Variants in PKD1 observed in about 807,000 individuals in gnomAD.
PKD1 encodes the protein polycystin-1.
PKD1 carries 81 observed loss-of-function variants against 361.7 expected under a neutral mutation model. That is an observed-to-expected ratio of 0.22 (90% CI 0.19 to 0.27). PKD1 has a LOEUF of 0.27. Among genes scored for constraint, PKD1 ranks in the 10% least tolerant of loss-of-function variants. The pLI is 1.00. For missense variants in PKD1, 6,399 were observed against 6,118.3 expected (o/e 1.05, Z -1.53); for synonymous variants, 3,615 against 2,818.3 (o/e 1.28, Z -8.95).
rs553144117 is a variant in PKD1, at chr16:2,116,381, T to G, written c.1722+148A>C. 13 of 632,874 alleles carry G rather than the reference T, an allele frequency of 2.1e-5. No individual in the cohort carries two copies. In the Admixed American group the frequency reaches 2.7e-4, roughly 13 times the overall value. The allele number at this position is 632,874 out of a possible 1,614,324, so 39.2% of individuals were successfully genotyped here. On this transcript the variant is annotated intron_variant, in intron 8 of 45. Coordinates refer to ENST00000262304, the MANE Select transcript of PKD1 (RefSeq NM_001009944.3). ...TAATGTGAGTAAACGCTTTCCTCTC[T>G]GCACTCTGGATTTTCCCAACCATCT...
intron 30 of PKD1, among the ~76,000 whole-genome samples, chr16:2,098,352 G>A (rs1567166742): frequency 6.6e-6 from 1 of 152,084 alleles, no homozygotes; most frequent in African/African-American, 2.4e-5. Context: ...GGGATTACAG[G>A]TGCCTGCCAC....
Position 2,117,960 on chromosome 16 carries a change from G to A in PKD1, c.1032C>T (p.Ala344=). ...TAVLALGAGS[A]LLGTDVQVEA... is the part of the protein sequence containing the mutation. ...CCACCTGCACGTCTGTCCCCAGCAG[G>A]GCTGAGCCGGCCCCCAGGGCCAGCA... The change falls in exon 5 of 46, where the codon GCC becomes GCT. Residue 344 remains alanine (A), a synonymous_variant. Transcript: ENST00000262304. 2 of 1,526,516 alleles carry A rather than the reference G, an allele frequency of 1.3e-6. No homozygotes were observed. Among genetic ancestry groups the A allele is most frequent in the Non-Finnish European group, 1.8e-6 (2 of 1,127,664 alleles). 94.6% of individuals were successfully genotyped at this position (1,526,516 alleles called of 1,614,324 possible). A position where few individuals can be genotyped will look rare whatever the true frequency, so the allele number is the denominator to read the frequency against.
In PKD1 at chr16:2,116,248, T is replaced by C; in HGVS notation, c.1723-130A>G. ...GCCATCAGACCCCCACAGGCCTGGC[T>C]CCTGTCGCTCGAGAGGAAGACTCCG... On this transcript the variant is annotated intron_variant, in intron 8 of 45. Transcript: ENST00000262304. 3.0e-6 allele frequency: 3 copies of C among 992,904 alleles called. No individual in the cohort carries two copies. The South Asian group carries it at 4.1e-5, about 14-fold the overall frequency. The allele number at this position is 992,904 out of a possible 1,614,324, so 61.5% of individuals were successfully genotyped here.
At chr16:2,097,274 C>T in intron 33 of PKD1, 33 bp from the exon 34 acceptor site, 1 of 1,606,832 alleles carries the variant, frequency 6.2e-7, no homozygotes, top group Non-Finnish European at 8.5e-7. Context: ...GTGGGCCCAG[C>T]TGCAAGGGTG....
rs1282914322 is a variant in PKD1 at position 2,115,528 on chromosome 16, T to C, written c.1947A>G (p.Gly649=). 2.5e-6 allele frequency: 4 copies of C among 1,595,198 alleles called. No individual in the cohort carries two copies. In the Admixed American group the frequency reaches 5.1e-5, roughly 20 times the overall value. ...ACMPGGRWCP[G]ANICLPLDAS... ...CGTCCAGCGGCAAGCAGATGTTGGC[T>C]CCAGGGCACCAGCGTCCCCCTGGCA... is the stretch of plus-strand genomic sequence containing the variant. Residue 649 remains glycine, a synonymous_variant, in exon 10 of 46, where the codon GGA becomes GGG. Transcript: ENST00000262304.
In PKD1 at chr16:2,108,945, G is replaced by A; in HGVS notation, c.6222C>T (p.Asn2074=). 2 of 1,606,516 alleles carry A rather than the reference G, an allele frequency of 1.2e-6. No individual in the cohort carries two copies. The highest frequency in any genetic ancestry group is 1.7e-6 in the Non-Finnish European group (2 of 1,177,942). The change falls in exon 15 of 46, where the codon AAC becomes AAT. Residue 2074 remains asparagine, a synonymous_variant. Transcript: ENST00000262304. ...TGGCGGCCTCAAACTGCGCCGAGCG[G>A]TTGGTGAAGCAGGGGCCGCTCTGCA... The part of the protein sequence containing the change: ...VALQSGPCFT[N]RSAQFEAATS...
chr16:2,117,381 C>T (rs11643588), intron 6 of PKD1, 108 bp downstream of exon 6: 45 of 820,808 alleles, frequency 5.5e-5, no homozygotes, highest in African/African-American at 4.3e-4. Flanking sequence ...TCACCAGGGC[C>T]GGCCCAGCTC....
In PKD1 at chr16:2,112,716, G is replaced by C. The variant is rs988857029; in HGVS notation, c.3161+72C>G. On this transcript the variant is annotated intron_variant, in intron 13 of 45. Transcript: ENST00000262304. ...CAGAAAAGCAACCCCGTGATGTGGG[G>C]GTCCCTCGGCTGAGGCTGGGGCTGG... The C allele has an allele frequency of 9.4e-6, 14 of 1,486,416 alleles. No individual in the cohort carries two copies. In the African/African-American group the frequency reaches 1.1e-4, roughly 12 times the overall value. The allele number at this position is 1,486,416 out of a possible 1,614,324, so 92.1% of individuals were successfully genotyped here.
chr16:2,110,922 G>A lies in PKD1; in HGVS notation c.4245C>T (p.Asp1415=), dbSNP rs1214871885. 4 of 1,611,268 alleles carry A rather than the reference G, an allele frequency of 2.5e-6. No homozygotes were observed. The highest frequency in any genetic ancestry group is 3.4e-6 in the Non-Finnish European group (4 of 1,179,838). The change falls in exon 15 of 46, where the codon GAC becomes GAT. Residue 1415 remains aspartate, a synonymous_variant. Transcript: ENST00000262304. ...WPPFPYRYTW[D]FGTEEAAPTR... ...TGGGGGCGGCTTCCTCGGTGCCAAAGTCCCAGGTGTAGCGGTAGGGGAACG... is the reference window on the plus strand; with the variant it reads ...TGGGGGCGGCTTCCTCGGTGCCAAAATCCCAGGTGTAGCGGTAGGGGAACG...
intron 37 of PKD1, 172 bp from the exon 38 acceptor site, chr16:2,093,265 G>C (rs901232215): frequency 1.3e-6 from 1 of 789,708 alleles, no homozygotes; most frequent in South Asian, 1.6e-5. Context: ...CACCCTGCCC[G>C]GAACCCCACC....
intron 39 of PKD1, 21 bp from the exon 40 acceptor site, chr16:2,092,209 G>C: frequency 6.4e-7 from 1 of 1,573,478 alleles, no homozygotes; most frequent in Non-Finnish European, 8.6e-7. Flanking sequence ...CAGAGCCCCA[G>C]GCCGGGGCCA....
At chr16:2,090,229 G>A (rs755456056) in intron 45 of PKD1, 35 bp from the exon 46 acceptor site, 66 of 1,608,580 alleles carry the variant, frequency 4.1e-5, no homozygotes, top group Admixed American at 3.7e-4. Context: ...CAGTCCGGCT[G>A]CACCCTGGGC....
chr16:2,121,923 A>C (rs946404387), intron 1 of PKD1, among the ~76,000 whole-genome samples: 1 of 152,172 alleles, frequency 6.6e-6, no homozygotes, highest in African/African-American at 2.4e-5. Flanking sequence ...GCCAGCCCCA[A>C]GCCGGGGCGG....
Position 2,118,667 on chromosome 16 carries a change from G to A in PKD1, c.529+9C>T, listed in dbSNP as rs766542205. 1.2e-5 allele frequency: 16 copies of A among 1,386,416 alleles called. No homozygotes were observed. The East Asian group carries it at 1.2e-4, about 11-fold the overall frequency. 85.9% of individuals were successfully genotyped at this position (1,386,416 alleles called of 1,614,324 possible). A position where few individuals can be genotyped will look rare whatever the true frequency, so the allele number is the denominator to read the frequency against. ...AAGGACAGAGCTGGCCCCACCCACCGGCACTCACCACAGCCACTGTCCAGC... is the reference window on the plus strand; with the variant it reads ...AAGGACAGAGCTGGCCCCACCCACCAGCACTCACCACAGCCACTGTCCAGC... On this transcript the variant is annotated intron_variant, in intron 4 of 45. Transcript: ENST00000262304. The surrounding 1 kb of genome is among the most constrained non-coding windows in gnomAD (Gnocchi z 6.0).
rs1033065383 is a variant in PKD1 at position 2,093,792 on chromosome 16, C to T, written c.10821+19G>A. 7 of 1,553,550 alleles carry T rather than the reference C, an allele frequency of 4.5e-6. No individual in the cohort carries two copies. Among genetic ancestry groups the T allele is most frequent in the Non-Finnish European group, 6.1e-6 (7 of 1,152,472 alleles). On this transcript the variant is annotated intron_variant, in intron 36 of 45. Transcript: ENST00000262304. The stretch of plus-strand genomic sequence containing the variant: ...CCCCGTGATGGAGGCCTGTAGCCTA[C>T]CCCTGGCAGCCCCCTCACCTTCAGT...
rs753664914 is a variant in PKD1 at position 2,100,090 on chromosome 16, C to T, written c.9713-19G>A. The T allele has an allele frequency of 2.0e-5, 32 of 1,603,886 alleles. No individual in the cohort carries two copies. Among genetic ancestry groups the T allele is most frequent in the African/African-American group, 5.4e-5 (4 of 74,666 alleles). On this transcript the variant is annotated intron_variant, in intron 28 of 45. Coordinates refer to ENST00000262304, the MANE Select transcript of PKD1 (RefSeq NM_001009944.3). This position sits in a 1 kb window ranked among gnomAD's most constrained non-coding sequence, Gnocchi z 4.4. ...GCGTCGCCTAGAAGGCAGGGAGGGC[C>T]GCACTGCAGGAGGCCACGGGGCAGG...
rs1219643535 is a variant in PKD1 at position 2,089,520 on chromosome 16, G to A, written c.*207C>T. 8.1e-6 allele frequency: 5 copies of A among 616,022 alleles called. No individual in the cohort carries two copies. The Admixed American group carries it at 1.4e-4, about 17-fold the overall frequency. 38.2% of individuals were successfully genotyped at this position (616,022 alleles called of 1,614,324 possible). Reference sequence around the variant, plus strand: ...TCCAATACTGCTGTGTCCTTCCCAAGGGAGCTGGGGAGGGGACCCTGGGTC... The same window carrying A: ...TCCAATACTGCTGTGTCCTTCCCAAAGGAGCTGGGGAGGGGACCCTGGGTC... On this transcript the variant is annotated 3_prime_UTR_variant, in exon 46 of 46. Coordinates refer to ENST00000262304, the MANE Select transcript of PKD1 (RefSeq NM_001009944.3).
intron 1 of PKD1, among the ~76,000 whole-genome samples, chr16:2,124,257 G>A (rs1188889866): frequency 6.6e-6 from 1 of 152,238 alleles, no homozygotes; most frequent in Non-Finnish European, 1.5e-5. Context: ...GCTGACACGT[G>A]TCTCATGCTG....
intron 20 of PKD1, 81 bp downstream of exon 20, chr16:2,105,784 C>T: frequency 6.8e-7 from 1 of 1,476,426 alleles, no homozygotes; most frequent in Non-Finnish European, 9.3e-7. Context: ...GAGCCCTCTG[C>T]AAAGCTCCAG....
Sources: gnomAD v4.1 joint callset for allele counts (sites outside exome capture counted in the v4.1 genomes callset) on GRCh38, gnomAD v4.1.1 for gene constraint, Gnocchi (gnomAD v3.1) non-coding constraint, MANE v1.5 for transcripts, NCBI Gene and HGNC (gene_info 2026-07-23, HGNC 2026-07-21) for gene names.